Variants in AEBP2 observed in about 807,000 individuals in gnomAD.
The protein encoded by AEBP2 is zinc finger protein AEBP2.
A neutral mutation model predicts 50.8 loss-of-function variants in AEBP2; 10 were observed. That is an observed-to-expected ratio of 0.20 (90% CI 0.12 to 0.33). AEBP2 has a LOEUF of 0.33. Among genes scored for constraint, AEBP2 ranks in the 10% least tolerant of loss-of-function variants. The pLI is 1.00. For missense variants in AEBP2, 570 were observed against 688.0 expected, an observed-to-expected ratio of 0.83 and a Z score of 1.92; for synonymous variants, 296 against 261.3, an observed-to-expected ratio of 1.13 and a Z score of -1.28.
At chr12:19,440,592 C>A in intron 1 of AEBP2, 2 of 1,462,834 alleles carry the variant, frequency 1.4e-6, no homozygotes, top group Non-Finnish European at 9.1e-7. Flanking sequence ...ACTCTCCTTT[C>A]CCCGCCCTCT....
At chr12:19,479,570 T>C (rs1269839439) in intron 3 of AEBP2, among the ~76,000 whole-genome samples, 6 of 152,086 alleles carry the variant, frequency 3.9e-5, no homozygotes, top group African/African-American at 1.4e-4. Flanking sequence ...TTTTACTGTG[T>C]TTATTGTGTT....
intron 1 of AEBP2, among the ~76,000 whole-genome samples, chr12:19,428,490 GGAA>G (rs2153364997): frequency 6.6e-6 from 1 of 152,342 alleles, no homozygotes; most frequent in African/African-American, 2.4e-5. Context: ...TTAGGGAGGA[GGAA>G]GGAGGATTAG....
upstream of AEBP2, among the ~76,000 whole-genome samples, chr12:19,435,711 A>C (rs1036297140): frequency 6.6e-6 from 1 of 152,160 alleles, no homozygotes. Flanking sequence ...CGCTCTTCAA[A>C]ATCCAGCTCA....
chr12:19,453,921 C>T (rs1243650495), intron 1 of AEBP2, among the ~76,000 whole-genome samples: 1 of 152,102 alleles, frequency 6.6e-6, no homozygotes, highest in Non-Finnish European at 1.5e-5. Flanking sequence ...CCTCGGCCTC[C>T]CAAAGTGCTG....
chr12:19,503,876 G>A (rs1668411907), intron 5 of AEBP2, among the ~76,000 whole-genome samples: 1 of 151,958 alleles, frequency 6.6e-6, no homozygotes, highest in Non-Finnish European at 1.5e-5. Flanking sequence ...CTGTCATCCA[G>A]GCTGGAGTGC....
intron 1 of AEBP2, among the ~76,000 whole-genome samples, chr12:19,412,900 C>T (rs1333450701): frequency 1.3e-5 from 2 of 152,180 alleles, no homozygotes; most frequent in Non-Finnish European, 2.9e-5. Flanking sequence ...CTGGCGCTGC[C>T]CTGGCGGCCT....
intron 3 of AEBP2, among the ~76,000 whole-genome samples, chr12:19,488,310 T>G (rs947578711): frequency 6.9e-6 from 1 of 144,478 alleles, no homozygotes; most frequent in Non-Finnish European, 1.5e-5. Flanking sequence ...TTTTTTTTTG[T>G]AGAGACAGGG....
chr12:19,500,230 T>G lies in AEBP2; in HGVS notation c.1299+9T>G. ...TTGTTTTTCATAGTACTGTAAGTAT[T>G]CTTTTATTTTTTCAAATTAAATATA... On this transcript the variant is annotated intron_variant, in intron 5 of 7. Transcript: ENST00000266508. The G allele has an allele frequency of 1.4e-6, 2 of 1,445,024 alleles. No individual in the cohort carries two copies. Among genetic ancestry groups the G allele is most frequent in the Non-Finnish European group, 1.8e-6 (2 of 1,092,992 alleles). The allele number at this position is 1,445,024 out of a possible 1,614,324, so 89.5% of individuals were successfully genotyped here. A position where few individuals can be genotyped will look rare whatever the true frequency, so the allele number is the denominator to read the frequency against.
chr12:19,482,415 A>G (rs1261774747), intron 3 of AEBP2, among the ~76,000 whole-genome samples: 1 of 152,154 alleles, frequency 6.6e-6, no homozygotes, highest in African/African-American at 2.4e-5. Context: ...TGTAATGTGG[A>G]CACACTCAGG....
chr12:19,418,132 A>T (rs180840156), intron 1 of AEBP2, among the ~76,000 whole-genome samples: 7 of 152,172 alleles, frequency 4.6e-5, no homozygotes, highest in Admixed American at 4.6e-4. Flanking sequence ...TCTAAGGGTG[A>T]CCCTCTATGA....
rs558168766 is a variant in AEBP2, at chr12:19,456,988, G to C, written c.672-5522G>C. ...ACTGGTATTGCCATCCTTACAGGAGGATTTTCGTCCCTTGAACCAAGGCAT... is the reference window on the plus strand; with the variant it reads ...ACTGGTATTGCCATCCTTACAGGAGCATTTTCGTCCCTTGAACCAAGGCAT... On this transcript the variant is annotated intron_variant, in intron 1 of 7. Transcript: ENST00000266508. The C allele has an allele frequency of 2.5e-6, 4 of 1,583,538 alleles. No individual in the cohort carries two copies. The East Asian group carries it at 8.9e-5, about 35-fold the overall frequency.
intron 1 of AEBP2, among the ~76,000 whole-genome samples, chr12:19,404,656 A>G (rs1310170476): frequency 1.3e-5 from 2 of 152,208 alleles, no homozygotes; most frequent in Non-Finnish European, 2.9e-5. Context: ...ACAACTGGTT[A>G]AGGAAGGGAA....
At chr12:19,467,100 CT>C (rs1190944180) in intron 2 of AEBP2, among the ~76,000 whole-genome samples, 1 of 152,064 alleles carries the variant, frequency 6.6e-6, no homozygotes, top group African/African-American at 2.4e-5. Context: ...TATGAATACA[CT>C]TTTTTTTCTT....
chr12:19,412,877 G>A (rs1283860171), intron 1 of AEBP2, among the ~76,000 whole-genome samples: 2 of 152,270 alleles, frequency 1.3e-5, no homozygotes, highest in African/African-American at 4.8e-5. Flanking sequence ...GTGCCTCCCC[G>A]GGGGCCCGGT....
intron 1 of AEBP2, among the ~76,000 whole-genome samples, chr12:19,432,839 C>T (rs1275632221): frequency 4.6e-5 from 7 of 152,052 alleles, no homozygotes. Context: ...TCCCAGAAGG[C>T]TGGAGATGTC....
At chr12:19,473,770 C>G (rs748215799) in intron 3 of AEBP2, among the ~76,000 whole-genome samples, 1 of 152,034 alleles carries the variant, frequency 6.6e-6, no homozygotes, top group Admixed American at 6.6e-5. Flanking sequence ...AAAAGCTCCT[C>G]TAAATTTTTT....
intron 3 of AEBP2, among the ~76,000 whole-genome samples, chr12:19,479,906 T>G (rs1466602209): frequency 1.3e-5 from 2 of 151,990 alleles, no homozygotes; most frequent in African/African-American, 2.4e-5. Flanking sequence ...CAGCAGATAC[T>G]TGGTTGGTGG....
chr12:19,463,024 G>A (rs1367071735), intron 2 of AEBP2, among the ~76,000 whole-genome samples: 1 of 152,148 alleles, frequency 6.6e-6, no homozygotes, highest in Non-Finnish European at 1.5e-5. Context: ...TTTGAGTTGA[G>A]AACATTTAGA....
rs951388986 is a variant in AEBP2, at chr12:19,439,934, G to C, written c.235G>C (p.Ala79Pro). 1.3e-6 allele frequency: 2 copies of C among 1,514,732 alleles called. No homozygotes were observed. The highest frequency in any genetic ancestry group is 2.9e-5 in the African/African-American group (2 of 69,456). The allele number at this position is 1,514,732 out of a possible 1,614,324, so 93.8% of individuals were successfully genotyped here. A position where few individuals can be genotyped will look rare whatever the true frequency, so the allele number is the denominator to read the frequency against. Residue 79 changes from alanine (A) to proline (P), a missense_variant, in exon 1 of 8, where the codon GCA becomes CCA. By Grantham distance (27) the Ala-to-Pro change is conservative. Around this residue, in one of 2 missense-constraint regions of AEBP2, gnomAD observed 386 missense variants for 336.8 expected, o/e 1.15. Transcript: ENST00000266508. ...GGGGGVGGGE[A>P]ETMSEPSPES... ...CGGCGGAGGAGTGGGGGGCGGCGAG[G>C]CAGAGACGATGTCGGAGCCGAGCCC...
Sources: gnomAD v4.1 joint callset for allele counts (sites outside exome capture counted in the v4.1 genomes callset) on GRCh38, gnomAD v4.1.1 for gene constraint, gnomAD v4.1.1 regional missense constraint, MANE v1.5 for transcripts, NCBI Gene and HGNC (gene_info 2026-07-23, HGNC 2026-07-21) for gene names.